PLEKHG1: variants seen among roughly 807,000 people sequenced by gnomAD.
PLEKHG1 encodes the protein pleckstrin homology and RhoGEF domain containing G1.
PLEKHG1 carries 44 observed loss-of-function variants against 100.8 expected under a neutral mutation model. That is an observed-to-expected ratio of 0.44 (90% CI 0.34 to 0.56). The LOEUF (loss-of-function observed/expected upper bound fraction) is 0.56, where lower values mean the gene tolerates loss of function less well. Ranked by LOEUF, PLEKHG1 falls within the 20% of genes least tolerant of loss-of-function variation. The probability of loss-of-function intolerance (pLI) is 0.01; values close to 1 mark genes in which losing one functional copy is unlikely to be tolerated. For synonymous variants in PLEKHG1, 640 were observed against 662.5 expected (o/e 0.97, Z 0.52); for missense variants, 1,545 against 1,720.9 (o/e 0.90, Z 1.81).
At position 150,631,744 on chromosome 6, in the gene PLEKHG1, C is replaced by T. The variant is rs1263594380; in HGVS notation, c.-203-6336C>T. Among the ~76,000 whole-genome samples, 5 of 152,172 alleles carry T rather than the reference C, an allele frequency of 3.3e-5. No individual in the cohort carries two copies. The South Asian group carries it at 6.2e-4, about 19-fold the overall frequency. On this transcript the variant is annotated intron_variant, in intron 1 of 3. Coordinates refer to the PLEKHG1 transcript ENST00000367326. ...CCACCTACAGATGCTTCAGAGCATC[C>T]GTAGAGCACGGTTGGGTTCCCAAGG...
intron 1 of PLEKHG1, chr6:150,601,022 A>G (rs117813850): frequency 0.013 from 1,984 of 152,350 alleles, 21 homozygotes; most frequent in Middle Eastern, 0.03. Flanking sequence ...GGACCATCTC[A>G]GACTGAGAGT....
At position 150,797,956 on chromosome 6, in the gene PLEKHG1, T is replaced by TA. The variant is rs1005315318; in HGVS notation, c.629+2062dup. Among the ~76,000 whole-genome samples, 111 of 146,248 alleles carry TA rather than the reference T, an allele frequency of 7.6e-4. 2 individuals are homozygous for TA. The East Asian group carries it at 0.012, about 16-fold the overall frequency. On this transcript the variant is annotated intron_variant, in intron 5 of 15. Coordinates refer to ENST00000358517, the Ensembl canonical transcript of PLEKHG1. ...GACCCCTGCTTTCCCCAGTTTCCCC[T>TA]AAAAAAAACAAAACAAAATAAATAA...
At chr6:150,727,540 A>C (rs1182942291) in intron 1 of PLEKHG1, among the ~76,000 whole-genome samples, 1 of 152,208 alleles carries the variant, frequency 6.6e-6, no homozygotes, top group Non-Finnish European at 1.5e-5. Flanking sequence ...CATGAAGTAA[A>C]AAGTATGAAA....
Position 150,733,987 on chromosome 6 carries a change from C to T in PLEKHG1, c.306C>T (p.Ile102=), listed in dbSNP as rs756051863. ...ACTCAAACGGGGCACCCAAGACGAT[C>T]GCAGACTCGGCCACGAGCCCCAAGC... Residue 102 remains isoleucine, a synonymous_variant, in exon 2 of 16, where the codon ATC becomes ATT. Coordinates refer to ENST00000358517, the Ensembl canonical transcript of PLEKHG1. The T allele has an allele frequency of 2.5e-5, 41 of 1,614,030 alleles. No individual in the cohort carries two copies. The African/African-American group carries it at 2.9e-4, about 12-fold the overall frequency.
intron 3 of PLEKHG1, among the ~76,000 whole-genome samples, chr6:150,783,205 C>T (rs1042510565): frequency 6.9e-6 from 1 of 144,658 alleles, no homozygotes; most frequent in Non-Finnish European, 1.5e-5. Flanking sequence ...AAGGGGAGGT[C>T]TCCCCCCACA....
chr6:150,663,148 T>C (rs1779263139), intron 3 of PLEKHG1: 2 of 152,226 alleles, frequency 1.3e-5, no homozygotes, highest in Admixed American at 6.5e-5. Flanking sequence ...CTTCTAATTA[T>C]TTCCAGTTAT....
At chr6:150,673,035 C>T (rs193201371) in intron 3 of PLEKHG1, among the ~76,000 whole-genome samples, 1 of 152,286 alleles carries the variant, frequency 6.6e-6, no homozygotes, top group Admixed American at 6.5e-5. Flanking sequence ...CTACTTCAAA[C>T]ATTGAAACTG....
In PLEKHG1 at chr6:150,665,630, A is replaced by AAAAAATAAAAATAAAAAT. The variant is rs149374779; in HGVS notation, c.-99+14864_-99+14881dup. 8.6e-4 allele frequency among the ~76,000 whole-genome samples: 128 copies of AAAAAATAAAAATAAAAAT among 148,270 alleles called. 2 individuals carry two copies. In the East Asian group the frequency reaches 0.012, roughly 14 times the overall value. On this transcript the variant is annotated intron_variant, in intron 3 of 3. Coordinates refer to the PLEKHG1 transcript ENST00000367326. The stretch of plus-strand genomic sequence containing the variant: ...GGGCAACAGAGCAAGACTCCATCTC[A>AAAAAATAAAAATAAAAAT]AAAAATAAAAATAAAAATAAAAATA...
intron 2 of PLEKHG1, among the ~76,000 whole-genome samples, chr6:150,738,216 C>G (rs1045219772): frequency 6.6e-6 from 1 of 152,164 alleles, no homozygotes; most frequent in Non-Finnish European, 1.5e-5. Flanking sequence ...TGACTTTGTA[C>G]ACTCTGCTTT....
intron 1 of PLEKHG1, among the ~76,000 whole-genome samples, chr6:150,726,579 A>G (rs1460955148): frequency 6.6e-6 from 1 of 152,248 alleles, no homozygotes; most frequent in Non-Finnish European, 1.5e-5. Context: ...GTGTAATTGT[A>G]GTACCTTGTT....
intron 2 of PLEKHG1, among the ~76,000 whole-genome samples, chr6:150,735,955 G>A (rs983124958): frequency 2.6e-5 from 4 of 152,204 alleles, no homozygotes; most frequent in Non-Finnish European, 5.9e-5. Context: ...AAATTTCAAT[G>A]TAAGTTCTAT....
intron 3 of PLEKHG1, among the ~76,000 whole-genome samples, chr6:150,706,352 G>A (rs1028588517): frequency 5.3e-5 from 8 of 151,974 alleles, no homozygotes; most frequent in African/African-American, 1.9e-4. Context: ...GGTGGCTTAT[G>A]CCTGTAATCC....
chr6:150,607,349 A>G (rs1444553171), intron 1 of PLEKHG1, among the ~76,000 whole-genome samples: 1 of 152,172 alleles, frequency 6.6e-6, no homozygotes, highest in Non-Finnish European at 1.5e-5. Flanking sequence ...GATTACAGAC[A>G]GGCCTCAAAC....
intron 1 of PLEKHG1, chr6:150,624,721 C>G (rs1415115449): frequency 6.6e-6 from 1 of 152,108 alleles, no homozygotes; most frequent in African/African-American, 2.4e-5. Context: ...CTCACTTCAA[C>G]AACAGCAGGC....
intron 14 of PLEKHG1, among the ~76,000 whole-genome samples, chr6:150,824,104 C>T (rs1191711890): frequency 6.6e-6 from 1 of 152,224 alleles, no homozygotes; most frequent in East Asian, 1.9e-4. Context: ...GGGCCCCCTT[C>T]TAAGAATATG....
exon 16 of PLEKHG1, chr6:150,841,770 G>GT (rs1777541867): frequency 6.6e-6 from 1 of 152,218 alleles, no homozygotes; most frequent in African/African-American, 2.4e-5. Flanking sequence ...TTGTGTGCCT[G>GT]TTTCTAATCG....
At chr6:150,660,928 C>A (rs1209579428) in intron 3 of PLEKHG1, among the ~76,000 whole-genome samples, 1 of 152,188 alleles carries the variant, frequency 6.6e-6, no homozygotes, top group East Asian at 1.9e-4. Flanking sequence ...TGAAAGATGT[C>A]TTGTTGATCT....
At chr6:150,602,075 T>C (rs1043188002) in intron 1 of PLEKHG1, among the ~76,000 whole-genome samples, 1 of 152,246 alleles carries the variant, frequency 6.6e-6, no homozygotes, top group African/African-American at 2.4e-5. Context: ...TTTGCGGATA[T>C]GATTTTTCAG....
At chr6:150,630,655 T>G (rs1246626431) in intron 1 of PLEKHG1, among the ~76,000 whole-genome samples, 1 of 152,118 alleles carries the variant, frequency 6.6e-6, no homozygotes, top group Non-Finnish European at 1.5e-5. Flanking sequence ...TGATGCCAGG[T>G]AGGTACGTGG....
Sources: gnomAD v4.1 joint callset for allele counts (sites outside exome capture counted in the v4.1 genomes callset) on GRCh38, gnomAD v4.1.1 for gene constraint, MANE v1.5 for transcripts, NCBI Gene and HGNC (gene_info 2026-07-23, HGNC 2026-07-21) for gene names.